The following SYTL5 variants were observed in gnomAD, a reference collection of about 807,000 sequenced individuals.
SYTL5 encodes synaptotagmin-like protein 5.
Under a neutral mutation model 55.9 loss-of-function variants are expected in SYTL5, and 34 were observed. The ratio of observed to expected loss-of-function variants is 0.61; its 90% CI spans 0.46 to 0.81. The LOEUF is 0.81. SYTL5 is among the 30% of genes least tolerant of loss of function. The pLI, the probability that SYTL5 is intolerant of heterozygous loss-of-function variation, is 0.00. For synonymous variants in SYTL5, 221 were observed against 188.7 expected, an observed-to-expected ratio of 1.17 and a Z score of -1.40; for missense variants, 637 against 546.7, an observed-to-expected ratio of 1.17 and a Z score of -1.65.
At chrX:37,996,051 ACT>A in the SYTL5 span, among the ~76,000 whole-genome samples, 6 of 111,195 alleles carry the variant, frequency 5.4e-5, no homozygotes, top group East Asian at 8.5e-4. Context: ...GCTCTTTCAG[ACT>A]CTGTTTCATG....
At chrX:38,007,299 C>G (rs1299746180) in intron 1 of SYTL5, among the ~76,000 whole-genome samples, 2 of 111,335 alleles carry the variant, frequency 1.8e-5, no homozygotes, top group Non-Finnish European at 3.8e-5. Context: ...TACAGAAATG[C>G]GATATTAACT....
the SYTL5 span, among the ~76,000 whole-genome samples, chrX:37,897,349 G>A: frequency 9.1e-6 from 1 of 110,094 alleles, no homozygotes; most frequent in African/African-American, 3.3e-5. Context: ...CGGGCGTGGT[G>A]TCAGACACCT....
the SYTL5 span, among the ~76,000 whole-genome samples, chrX:37,968,455 T>C: frequency 1.8e-5 from 2 of 111,596 alleles, no homozygotes; most frequent in Admixed American, 1.9e-4. Context: ...GTAAGACCTA[T>C]GAGGATAGCA....
chrX:38,038,493 T>G (rs1436434856), intron 2 of SYTL5, among the ~76,000 whole-genome samples: 2 of 112,295 alleles, frequency 1.8e-5, no homozygotes, highest in Non-Finnish European at 3.8e-5. Flanking sequence ...ACAGTAAACT[T>G]TGGTGCTAGC....
chrX:38,089,335 C>T, intron 6 of SYTL5, 111 bp from the exon 7 acceptor site: 2 of 869,550 alleles, frequency 2.3e-6, no homozygotes, highest in South Asian at 2.7e-5. Context: ...CTCTTGTGAA[C>T]TCAGTGCGGT....
At chrX:38,022,063 TAAACATTCAAGTACA>T (rs1364083494) in intron 1 of SYTL5, among the ~76,000 whole-genome samples, 1 of 112,681 alleles carries the variant, frequency 8.9e-6, no homozygotes, top group East Asian at 2.8e-4. Flanking sequence ...ATGAAATACA[TAAACATTCAAGTACA>T]AATTTTCATC....
chrX:38,126,480 A>T, intron 16 of SYTL5, 108 bp from the exon 17 acceptor site: 1 of 770,268 alleles, frequency 1.3e-6, no homozygotes, highest in Non-Finnish European at 1.9e-6. Flanking sequence ...AGAACAAGCC[A>T]GTAAAAGGTA....
chrX:37,925,499 C>A, the SYTL5 span, among the ~76,000 whole-genome samples: 1 of 111,903 alleles, frequency 8.9e-6, no homozygotes, highest in South Asian at 3.7e-4. Flanking sequence ...CCATTCCCAC[C>A]AACAGTGTAT....
At chrX:38,088,023 G>A (rs1326637967) in intron 6 of SYTL5, among the ~76,000 whole-genome samples, 1 of 111,155 alleles carries the variant, frequency 9.0e-6, no homozygotes, top group East Asian at 2.8e-4. Flanking sequence ...GGATATTGGG[G>A]GATGGAAAAT....
At chrX:37,896,332 G>A in the SYTL5 span, among the ~76,000 whole-genome samples, 1 of 111,417 alleles carries the variant, frequency 9.0e-6, no homozygotes, top group Non-Finnish European at 1.9e-5. Flanking sequence ...AGGTGTGGTA[G>A]CTTGCAAATA....
chrX:38,037,058 G>A (rs1331398794), intron 2 of SYTL5, among the ~76,000 whole-genome samples: 1 of 111,445 alleles, frequency 9.0e-6, no homozygotes, highest in Non-Finnish European at 1.9e-5. Context: ...TTTATTCTAA[G>A]GACTTGAAGT....
chrX:37,926,863 T>C, the SYTL5 span, among the ~76,000 whole-genome samples: 1 of 112,192 alleles, frequency 8.9e-6, no homozygotes, highest in Non-Finnish European at 1.9e-5. Flanking sequence ...AGTTTGTGTG[T>C]GATAGTTGCT....
At chrX:37,924,357 A>T in the SYTL5 span, among the ~76,000 whole-genome samples, 1 of 111,392 alleles carries the variant, frequency 9.0e-6, no homozygotes, top group Non-Finnish European at 1.9e-5. Context: ...CAAGCTTACT[A>T]ATACTTCAGA....
At chrX:38,030,021 T>C (rs1045836951) in intron 1 of SYTL5, among the ~76,000 whole-genome samples, 11 of 111,434 alleles carry the variant, frequency 9.9e-5, no homozygotes, top group African/African-American at 3.6e-4. Flanking sequence ...GATCCCATTT[T>C]TATGCCAGAT....
chrX:38,110,420 A>T lies in SYTL5; in HGVS notation c.1534A>T (p.Ile512Phe), dbSNP rs201810802. 6 of 1,207,330 alleles carry T rather than the reference A, an allele frequency of 5.0e-6. No individual in the cohort carries two copies. The East Asian group carries it at 8.9e-5, about 18-fold the overall frequency. ...TAATAGCTTCCTCGGGGAAGTAGAG[A>T]TTCCTTTTGACTCATGGAACTTTGA... The part of the protein sequence containing the change: ...GRNSFLGEVE[I>F]PFDSWNFENP... The change falls in exon 13 of 17, where the codon ATT becomes TTT. Residue 512 changes from isoleucine to phenylalanine, a missense_variant. Transcript: ENST00000297875.
chrX:37,919,473 C>T, the SYTL5 span, among the ~76,000 whole-genome samples: 1 of 111,686 alleles, frequency 9.0e-6, no homozygotes, highest in Non-Finnish European at 1.9e-5. Context: ...GCCCCATATT[C>T]ATATGCCAAT....
intron 9 of SYTL5, among the ~76,000 whole-genome samples, chrX:38,096,729 G>A (rs1023326508): frequency 9.0e-6 from 1 of 111,039 alleles, no homozygotes; most frequent in Non-Finnish European, 1.9e-5. Context: ...CTAATATTCT[G>A]ATATTCAGAT....
chrX:37,970,675 T>A, the SYTL5 span, among the ~76,000 whole-genome samples: 1 of 111,900 alleles, frequency 8.9e-6, no homozygotes, highest in East Asian at 2.8e-4. Flanking sequence ...ATAGCCAATA[T>A]TTAAAGTTAT....
intron 13 of SYTL5, 55 bp from the exon 14 acceptor site, chrX:38,120,303 C>A: frequency 1.1e-6 from 1 of 875,081 alleles, no homozygotes; most frequent in Non-Finnish European, 1.7e-6. Flanking sequence ...ATGTGGACTA[C>A]AATACTAAGC....
Sources: gnomAD v4.1 joint callset for allele counts (sites outside exome capture counted in the v4.1 genomes callset) on GRCh38, gnomAD v4.1.1 for gene constraint, MANE v1.5 for transcripts, NCBI Gene and HGNC (gene_info 2026-07-23, HGNC 2026-07-21) for gene names.